Variants in PARVB observed in about 807,000 individuals in gnomAD.
The protein encoded by PARVB is parvin beta, also known as beta-parvin.
In PARVB, 46 loss-of-function variants were observed where a neutral mutation model predicts 47.0. The ratio of observed to expected loss-of-function variants is 0.98; its 90% CI spans 0.77 to 1.25. PARVB has a LOEUF of 1.25. Among genes scored for constraint, PARVB ranks in the 50% most tolerant of loss-of-function variants. The probability of loss-of-function intolerance (pLI) is 0.00; values close to 1 mark genes in which losing one functional copy is unlikely to be tolerated. For synonymous variants in PARVB, 196 were observed against 196.3 expected, an observed-to-expected ratio of 1.00 and a Z score of 0.01; for missense variants, 473 against 471.6, an observed-to-expected ratio of 1.00 and a Z score of -0.03.
chr22:44,168,559 G>A (rs779650692), intron 12 of PARVB, 43 bp from the exon 13 acceptor site: 6 of 1,342,554 alleles, frequency 4.5e-6, no homozygotes, highest in East Asian at 4.6e-5. Context: ...CGCAATGACA[G>A]GAGGATGGCA....
chr22:44,152,439 A>G (rs2147151952), intron 10 of PARVB: 1 of 151,370 alleles, frequency 6.6e-6, no homozygotes, highest in Non-Finnish European at 1.5e-5. Context: ...GAGACACAAA[A>G]CCCCAAAACA....
intron 1 of PARVB, among the ~76,000 whole-genome samples, chr22:44,075,381 G>A (rs2051746245): frequency 6.6e-6 from 1 of 152,162 alleles, no homozygotes; most frequent in South Asian, 2.1e-4. Flanking sequence ...GTGACTGCAC[G>A]GCCCCACCAC....
At chr22:44,143,935 C>T (rs1427883386) in intron 8 of PARVB, 1 of 152,518 alleles carries the variant, frequency 6.6e-6, no homozygotes, top group Non-Finnish European at 1.5e-5. Context: ...TCACGTCTCT[C>T]CCATTTCTGC....
chr22:44,138,781 A>G (rs2053493395), intron 7 of PARVB, among the ~76,000 whole-genome samples: 1 of 152,142 alleles, frequency 6.6e-6, no homozygotes, highest in Non-Finnish European at 1.5e-5. Flanking sequence ...CCAACATTGA[A>G]ATATTGGCTT....
At chr22:44,123,174 T>C (rs1281992254) in intron 4 of PARVB, among the ~76,000 whole-genome samples, 5 of 152,214 alleles carry the variant, frequency 3.3e-5, no homozygotes, top group Non-Finnish European at 2.9e-5. Context: ...CATGATGTAA[T>C]ATTTCCATTA....
chr22:44,015,319 G>A (rs1206540986), intron 2 of PARVB, among the ~76,000 whole-genome samples: 1 of 152,088 alleles, frequency 6.6e-6, no homozygotes, highest in East Asian at 1.9e-4. Flanking sequence ...ACAAAGAGCA[G>A]CCTGAAAAAT....
intron 2 of PARVB, among the ~76,000 whole-genome samples, chr22:44,002,174 A>G (rs1273558480): frequency 6.6e-6 from 1 of 152,228 alleles, no homozygotes; most frequent in African/African-American, 2.4e-5. Context: ...TTGCATTATT[A>G]TAAATATAGT....
chr22:44,104,498 G>A (rs555422361), intron 3 of PARVB: 4 of 152,628 alleles, frequency 2.6e-5, no homozygotes, highest in Non-Finnish European at 5.9e-5. Flanking sequence ...TACTGAGCTT[G>A]GGCTGCCCTT....
intron 11 of PARVB, among the ~76,000 whole-genome samples, chr22:44,159,305 A>G (rs2054003254): frequency 6.6e-6 from 1 of 152,240 alleles, no homozygotes; most frequent in Non-Finnish European, 1.5e-5. Flanking sequence ...CAGTGAGTTT[A>G]GCCAGGAGAC....
At chr22:44,094,369 G>GCCACGCCACA (rs1382813951) in intron 2 of PARVB, among the ~76,000 whole-genome samples, 92 of 152,072 alleles carry the variant, frequency 6.0e-4, no homozygotes, top group African/African-American at 2.1e-3. Flanking sequence ...GCCATGCCAC[G>GCCACGCCACA]CCACGCCACA....
intron 3 of PARVB, among the ~76,000 whole-genome samples, chr22:44,101,089 G>C (rs1047343516): frequency 6.6e-6 from 1 of 152,218 alleles, no homozygotes; most frequent in Admixed American, 6.5e-5. Context: ...GAATAAGTAA[G>C]ACGGCTTGCA....
At chr22:44,093,801 C>A (rs966369071) in intron 1 of PARVB, 127 bp from the exon 2 acceptor site, 4 of 642,180 alleles carry the variant, frequency 6.2e-6, no homozygotes, top group Non-Finnish European at 1.1e-5. Flanking sequence ...GGCAACAGAC[C>A]TTTTAGGAAT....
At chr22:44,122,881 G>A (rs1471546523) in intron 4 of PARVB, among the ~76,000 whole-genome samples, 1 of 152,136 alleles carries the variant, frequency 6.6e-6, no homozygotes, top group Non-Finnish European at 1.5e-5. Flanking sequence ...ATGTTCCTTC[G>A]TTTATTCACC....
chr22:44,019,485 G>A (rs572105342), upstream of PARVB, among the ~76,000 whole-genome samples: 25 of 152,368 alleles, frequency 1.6e-4, 1 homozygote, highest in African/African-American at 6.0e-4. Context: ...CTCTCAAAGT[G>A]CTGGGATTGC....
chr22:44,166,297 A>G (rs1469890084), intron 12 of PARVB, among the ~76,000 whole-genome samples: 1 of 152,162 alleles, frequency 6.6e-6, no homozygotes, highest in Non-Finnish European at 1.5e-5. Flanking sequence ...TTTAGTAGAG[A>G]TGGGGTTTCA....
chr22:44,157,927 A>G (rs2053970820), intron 10 of PARVB, 55 bp from the exon 11 acceptor site: 2 of 1,301,156 alleles, frequency 1.5e-6, no homozygotes, highest in South Asian at 1.2e-5. Context: ...AGTTTGTGCA[A>G]AGCATTTGCC....
At chr22:44,028,594 A>G (rs1363116206) in intron 1 of PARVB, among the ~76,000 whole-genome samples, 1 of 152,204 alleles carries the variant, frequency 6.6e-6, no homozygotes, top group African/African-American at 2.4e-5. Context: ...GCAGTTATGA[A>G]TAAAGCTGCT....
intron 11 of PARVB, 65 bp downstream of exon 11, chr22:44,158,148 A>G (rs2053977192): frequency 1.8e-6 from 2 of 1,107,102 alleles, no homozygotes; most frequent in African/African-American, 1.5e-5. Flanking sequence ...CAGAGCATAG[A>G]CTATCCCGGC....
intron 1 of PARVB, among the ~76,000 whole-genome samples, chr22:44,070,983 C>A (rs904289370): frequency 6.6e-6 from 1 of 151,720 alleles, no homozygotes; most frequent in South Asian, 2.1e-4. Flanking sequence ...CAGACCAGGA[C>A]CCCCCGGCCC....
Sources: allele counts gnomAD v4.1 joint callset (sites outside exome capture counted in the v4.1 genomes callset), GRCh38; gene constraint gnomAD v4.1.1; transcripts MANE v1.5; gene names NCBI Gene and HGNC (gene_info 2026-07-23, HGNC 2026-07-21).